The following DPP8 variants were observed in gnomAD, a reference collection of about 807,000 sequenced individuals.
DPP8 encodes the protein dipeptidyl peptidase 8.
A neutral mutation model predicts 107.5 loss-of-function variants in DPP8; 31 were observed. The ratio of observed to expected loss-of-function variants is 0.29; its 90% CI spans 0.22 to 0.39. The LOEUF (loss-of-function observed/expected upper bound fraction) is 0.39. Among genes scored for constraint, DPP8 ranks in the 10% least tolerant of loss-of-function variants. The pLI is 1.00. For missense variants in DPP8, 842 were observed against 1,076.1 expected (o/e 0.78, Z 3.04); for synonymous variants, 381 against 356.6 (o/e 1.07, Z -0.77).
At chr15:65,503,240 G>A (rs572056650) in intron 3 of DPP8, among the ~76,000 whole-genome samples, 67 of 150,938 alleles carry the variant, frequency 4.4e-4, no homozygotes, top group Non-Finnish European at 8.0e-4. Flanking sequence ...CCAAGTATCT[G>A]GGATTATATG....
intron 8 of DPP8, 125 bp downstream of exon 8, chr15:65,484,974 C>A: frequency 2.7e-6 from 2 of 745,936 alleles, no homozygotes. Context: ...AATCTAAAAT[C>A]ATGATCCACC....
chr15:65,495,348 G>A lies in DPP8; in HGVS notation c.715+2516C>T, dbSNP rs2068475968. Among the ~76,000 whole-genome samples the A allele has an allele frequency of 2.0e-5, 3 of 152,182 alleles. No individual in the cohort carries two copies. In the South Asian group the frequency reaches 6.2e-4, roughly 31 times the overall value. ...TGGCCAGGTGCTGTGGCTCTCGCCT[G>A]TTCTCAGCACTTTGGGAGGCAGAGG... is the stretch of plus-strand genomic sequence containing the variant. On this transcript the variant is annotated intron_variant, in intron 5 of 19. Transcript: ENST00000300141.
intron 3 of DPP8, among the ~76,000 whole-genome samples, chr15:65,505,068 G>A (rs532972811): frequency 6.6e-6 from 1 of 151,504 alleles, no homozygotes; most frequent in Admixed American, 6.6e-5. Context: ...AAAACTGTCT[G>A]AGCAGGGCCG....
At chr15:65,467,299 T>G (rs915895498) in intron 12 of DPP8, 76 bp from the exon 13 acceptor site, 29 of 1,462,168 alleles carry the variant, frequency 2.0e-5, no homozygotes, top group Non-Finnish European at 2.7e-5. Flanking sequence ...TTATTTACAA[T>G]CACTTGAGCC....
Position 65,480,301 on chromosome 15 carries a change from C to T in DPP8, c.1217G>A (p.Arg406Lys), listed in dbSNP as rs756748994. Reference protein sequence around the residue: ...FIPVEDDVMERQRLIESVPDS... With the variant: ...FIPVEDDVMEKQRLIESVPDS... ...AGGCACTGACTCAATGAGTCTCTGC[C>T]TTTCCATAACATCATCTTCTACTGG... Residue 406 changes from arginine (R) to lysine (K), a missense_variant, in exon 10 of 20, where the codon AGG becomes AAG. By Grantham distance (26) the Arg-to-Lys change is conservative. Around this residue, in one of 2 missense-constraint regions of DPP8, gnomAD observed 663 missense variants for 758.0 expected, o/e 0.87. Coordinates refer to ENST00000300141, the MANE Select transcript of DPP8 (RefSeq NM_130434.5). 3.1e-6 allele frequency: 5 copies of T among 1,613,716 alleles called. No individual in the cohort carries two copies. The Admixed American group carries it at 8.3e-5, about 27-fold the overall frequency.
Position 65,444,452 on chromosome 15 carries a change from T to C in DPP8, c.*2432A>G, listed in dbSNP as rs1267277578. 1 of 152,248 alleles carries C rather than the reference T, an allele frequency of 6.6e-6. No homozygotes were observed. Among genetic ancestry groups the C allele is most frequent in the African/African-American group, 2.4e-5 (1 of 41,456 alleles). The allele number at this position is 152,248 out of a possible 1,614,324, so 9.4% of individuals were successfully genotyped here. On this transcript the variant is annotated 3_prime_UTR_variant, in exon 20 of 20. Coordinates refer to ENST00000300141, the MANE Select transcript of DPP8 (RefSeq NM_130434.5). ...GCTACTTTTATATATTCTTGCCGTT[T>C]AAGCTGTTACCCATACTCAGGGGGT...
intron 12 of DPP8, among the ~76,000 whole-genome samples, chr15:65,473,338 AAAGAAG>A (rs527366444): frequency 1.1e-4 from 16 of 152,034 alleles, no homozygotes; most frequent in Non-Finnish European, 1.9e-4. Context: ...AAAAAAAAAA[AAAGAAG>A]AATAGAGGGA....
intron 5 of DPP8, among the ~76,000 whole-genome samples, chr15:65,493,092 C>CT (rs1372326862): frequency 3.2e-4 from 49 of 150,900 alleles, no homozygotes; most frequent in Middle Eastern, 3.4e-3. Context: ...TTCTTTCTCT[C>CT]TTTTTTTTTA....
intron 3 of DPP8, among the ~76,000 whole-genome samples, chr15:65,503,779 T>G (rs2069554457): frequency 6.6e-6 from 1 of 152,044 alleles, no homozygotes; most frequent in African/African-American, 2.4e-5. Flanking sequence ...CCTGCCATCA[T>G]GCCTGGCTTA....
intron 3 of DPP8, among the ~76,000 whole-genome samples, chr15:65,504,283 A>C (rs2069642997): frequency 6.6e-6 from 1 of 151,380 alleles, no homozygotes; most frequent in South Asian, 2.1e-4. Flanking sequence ...GAATCCCTTG[A>C]ACCCAGGAGG....
intron 14 of DPP8, among the ~76,000 whole-genome samples, chr15:65,464,800 C>T (rs2065201094): frequency 6.6e-6 from 1 of 152,086 alleles, no homozygotes; most frequent in South Asian, 2.1e-4. Context: ...TAGGAAATGT[C>T]TATGTGCAGA....
chr15:65,465,154 T>C (rs561935281), intron 14 of DPP8, among the ~76,000 whole-genome samples: 10 of 151,210 alleles, frequency 6.6e-5, no homozygotes, highest in African/African-American at 2.4e-4. Context: ...GGTTCTGTAC[T>C]AATTTGTTTT....
At chr15:65,512,662 G>T (rs2070945392) in intron 1 of DPP8, 98 bp from the exon 2 acceptor site, 2 of 1,368,928 alleles carry the variant, frequency 1.5e-6, no homozygotes, top group African/African-American at 1.5e-5. Flanking sequence ...GAGTGGGGAG[G>T]GCAAGAAAAA....
chr15:65,508,535 T>C (rs769338172), intron 2 of DPP8, among the ~76,000 whole-genome samples: 1 of 151,708 alleles, frequency 6.6e-6, no homozygotes, highest in Non-Finnish European at 1.5e-5. Flanking sequence ...AAACATAAGG[T>C]AAAACAAAGC....
Position 65,480,873 on chromosome 15 carries a change from G to A in DPP8, c.1119-474C>T, listed in dbSNP as rs1481015231. Among the ~76,000 whole-genome samples, 3 of 152,130 alleles carry A rather than the reference G, an allele frequency of 2.0e-5. No homozygotes were observed. In the East Asian group the frequency reaches 5.8e-4, roughly 29 times the overall value. On this transcript the variant is annotated intron_variant, in intron 9 of 19. Coordinates refer to ENST00000300141, the MANE Select transcript of DPP8 (RefSeq NM_130434.5). The stretch of plus-strand genomic sequence containing the variant: ...GCACGTTGGGAGGCCGAGACAAGAG[G>A]ATCATTTGAGCCCAGGAGTTTGAGA...
intron 5 of DPP8, among the ~76,000 whole-genome samples, chr15:65,492,284 G>C (rs1273679308): frequency 6.6e-6 from 1 of 152,046 alleles, no homozygotes; most frequent in Non-Finnish European, 1.5e-5. Flanking sequence ...GGAGGATGCA[G>C]TGAGCCGAGA....
At chr15:65,503,427 A>C (rs1248063915) in intron 3 of DPP8, among the ~76,000 whole-genome samples, 1 of 150,114 alleles carries the variant, frequency 6.7e-6, no homozygotes, top group East Asian at 2.0e-4. Context: ...TTTATTGTTG[A>C]TTACTTTTTT....
chr15:65,464,223 C>A (rs1295547724), intron 14 of DPP8, among the ~76,000 whole-genome samples: 2 of 152,172 alleles, frequency 1.3e-5, no homozygotes, highest in African/African-American at 4.8e-5. Context: ...ATTAGCTGGG[C>A]ATGGTGGCAG....
At chr15:65,514,231 C>G (rs1239859372) in intron 1 of DPP8, among the ~76,000 whole-genome samples, 1 of 152,116 alleles carries the variant, frequency 6.6e-6, no homozygotes, top group Non-Finnish European at 1.5e-5. Flanking sequence ...TTCAATATAA[C>G]AGTAACAAAG....
Sources: allele counts gnomAD v4.1 joint callset (sites outside exome capture counted in the v4.1 genomes callset), GRCh38; gene constraint gnomAD v4.1.1; regional missense constraint gnomAD v4.1.1; transcripts MANE v1.5; gene names NCBI Gene and HGNC (gene_info 2026-07-23, HGNC 2026-07-21).